The following SLC4A4 variants were observed in gnomAD, a reference collection of about 807,000 sequenced individuals.
SLC4A4 encodes solute carrier family 4 member 4, also known as electrogenic sodium bicarbonate cotransporter 1.
In SLC4A4, 27 loss-of-function variants were observed where a neutral mutation model predicts 111.5. That is an observed-to-expected ratio of 0.24 (90% CI 0.18 to 0.33). The LOEUF is 0.33. SLC4A4 is among the 10% of genes least tolerant of loss of function. SLC4A4 has a pLI of 1.00. For synonymous variants in SLC4A4, 443 were observed against 463.4 expected (o/e 0.96, Z 0.57); for missense variants, 909 against 1,315.5 (o/e 0.69, Z 4.78).
At chr4:71,475,282 T>C (rs1197476264) in intron 14 of SLC4A4, among the ~76,000 whole-genome samples, 3 of 151,794 alleles carry the variant, frequency 2.0e-5, no homozygotes, top group African/African-American at 7.3e-5. Flanking sequence ...TGGAAACTTG[T>C]GTTCGTTGTT....
At chr4:71,088,807 A>G (rs1377010653) in intron 1 of SLC4A4, among the ~76,000 whole-genome samples, 1 of 151,980 alleles carries the variant, frequency 6.6e-6, no homozygotes, top group Non-Finnish European at 1.5e-5. Flanking sequence ...TTTGTGGGTA[A>G]CCCGACCTTT....
At chr4:71,294,076 A>C (rs1291178343) in intron 3 of SLC4A4, among the ~76,000 whole-genome samples, 1 of 152,268 alleles carries the variant, frequency 6.6e-6, no homozygotes, top group Non-Finnish European at 1.5e-5. Context: ...ACGTCCAGGA[A>C]GAGTTTGTAT....
chr4:71,280,007 C>T (rs1723384276), intron 3 of SLC4A4, among the ~76,000 whole-genome samples: 1 of 152,194 alleles, frequency 6.6e-6, no homozygotes, highest in African/African-American at 2.4e-5. Flanking sequence ...GTTGGGCAGG[C>T]TGTCTTGAAC....
At chr4:71,209,864 A>G (rs1168644591) in intron 1 of SLC4A4, among the ~76,000 whole-genome samples, 3 of 152,114 alleles carry the variant, frequency 2.0e-5, no homozygotes, top group African/African-American at 7.2e-5. Context: ...AGATTTTAGC[A>G]CTGTATTTTA....
intron 16 of SLC4A4, among the ~76,000 whole-genome samples, chr4:71,519,711 T>C (rs777681957): frequency 3.9e-5 from 6 of 152,236 alleles, no homozygotes; most frequent in Non-Finnish European, 8.8e-5. Context: ...CTTGGGTCAC[T>C]GTAACCTCCG....
chr4:71,122,393 G>C (rs1358993040), intron 2 of SLC4A4, among the ~76,000 whole-genome samples: 2 of 151,706 alleles, frequency 1.3e-5, no homozygotes, highest in Admixed American at 6.6e-5. Flanking sequence ...AACCTTTTTA[G>C]CTGTTGTTGG....
chr4:71,275,010 T>C (rs1263308173), intron 3 of SLC4A4, among the ~76,000 whole-genome samples: 1 of 152,104 alleles, frequency 6.6e-6, no homozygotes, highest in Admixed American at 6.5e-5. Flanking sequence ...TGAGGCCAAA[T>C]GACCCCTTCT....
chr4:71,148,759 C>T (rs1744244621), intron 2 of SLC4A4, among the ~76,000 whole-genome samples: 1 of 152,138 alleles, frequency 6.6e-6, no homozygotes, highest in South Asian at 2.1e-4. Flanking sequence ...TAGTATTCCA[C>T]AGTGTATGTG....
intron 1 of SLC4A4, among the ~76,000 whole-genome samples, chr4:71,188,043 G>A (rs1454811226): frequency 5.9e-5 from 9 of 152,234 alleles, no homozygotes; most frequent in Admixed American, 2.6e-4. Flanking sequence ...CAGCGACAAC[G>A]GAGCTCTCCC....
chr4:71,366,140 T>A (rs1220876214), intron 6 of SLC4A4, among the ~76,000 whole-genome samples: 1 of 152,190 alleles, frequency 6.6e-6, no homozygotes, highest in African/African-American at 2.4e-5. Flanking sequence ...AATGCTGGTA[T>A]AATCTTGGGT....
intron 3 of SLC4A4, among the ~76,000 whole-genome samples, chr4:71,329,247 A>G (rs575934509): frequency 6.6e-6 from 1 of 152,048 alleles, no homozygotes; most frequent in African/African-American, 2.4e-5. Flanking sequence ...TTGAAGTCAG[A>G]TAATGTGATG....
At chr4:71,467,993 T>A (rs1270460870) in intron 13 of SLC4A4, among the ~76,000 whole-genome samples, 1 of 152,110 alleles carries the variant, frequency 6.6e-6, no homozygotes, top group Non-Finnish European at 1.5e-5. Flanking sequence ...TGAAAGTATG[T>A]GTGTTATCAA....
At chr4:71,101,083 C>A (rs1167029488) in intron 2 of SLC4A4, among the ~76,000 whole-genome samples, 1 of 152,040 alleles carries the variant, frequency 6.6e-6, no homozygotes, top group Non-Finnish European at 1.5e-5. Context: ...CACGGTGAAA[C>A]CCCATCTCTA....
intron 2 of SLC4A4, among the ~76,000 whole-genome samples, chr4:71,155,346 T>C (rs1432664445): frequency 6.6e-6 from 1 of 152,212 alleles, no homozygotes; most frequent in Non-Finnish European, 1.5e-5. Flanking sequence ...AAAAAAGTGC[T>C]TAATTATTAA....
intron 12 of SLC4A4, among the ~76,000 whole-genome samples, chr4:71,466,222 T>A (rs1448955525): frequency 6.6e-6 from 1 of 152,122 alleles, no homozygotes; most frequent in Non-Finnish European, 1.5e-5. Context: ...TTAGAGCAGG[T>A]CGACCCTTGG....
chr4:71,415,326 T>C (rs1721737566), intron 7 of SLC4A4, among the ~76,000 whole-genome samples: 1 of 152,204 alleles, frequency 6.6e-6, no homozygotes, highest in South Asian at 2.1e-4. Context: ...AGAAATTTTA[T>C]TTTTGTCAGT....
At chr4:71,276,332 C>T (rs1723065106) in intron 3 of SLC4A4, among the ~76,000 whole-genome samples, 1 of 152,070 alleles carries the variant, frequency 6.6e-6, no homozygotes, top group African/African-American at 2.4e-5. Context: ...GACATTGGTG[C>T]GATGTAGTTA....
At chr4:71,111,710 G>A (rs923161627) in intron 2 of SLC4A4, among the ~76,000 whole-genome samples, 1 of 143,462 alleles carries the variant, frequency 7.0e-6, no homozygotes, top group Non-Finnish European at 1.5e-5. Flanking sequence ...TTATTTATTT[G>A]TTTGAGACAG....
intron 2 of SLC4A4, among the ~76,000 whole-genome samples, chr4:71,244,506 C>T (rs1397197819): frequency 6.6e-6 from 1 of 152,060 alleles, no homozygotes; most frequent in South Asian, 2.1e-4. Flanking sequence ...GAATTTGCAC[C>T]TCTCATCTCC....
Sources: allele counts gnomAD v4.1 joint callset (sites outside exome capture counted in the v4.1 genomes callset), GRCh38; gene constraint gnomAD v4.1.1; transcripts MANE v1.5; gene names NCBI Gene and HGNC (gene_info 2026-07-23, HGNC 2026-07-21).